Variants in CDKAL1 observed in about 807,000 individuals in gnomAD.
The protein encoded by CDKAL1 is CDKAL1 threonylcarbamoyladenosine tRNA methylthiotransferase, also known as threonylcarbamoyladenosine tRNA methylthiotransferase.
A neutral mutation model predicts 68.2 loss-of-function variants in CDKAL1; 32 were observed. The observed-to-expected ratio is 0.47, with a 90% confidence interval of 0.35 to 0.63. The LOEUF is 0.63. CDKAL1 is among the 30% of genes least tolerant of loss of function. The pLI, the probability that CDKAL1 is intolerant of heterozygous loss-of-function variation, is 0.00. For synonymous variants in CDKAL1, 234 were observed against 244.3 expected (o/e 0.96, Z 0.39); for missense variants, 606 against 696.7 (o/e 0.87, Z 1.47).
At chr6:20,816,282 C>T (rs1777045291) in intron 8 of CDKAL1, among the ~76,000 whole-genome samples, 1 of 152,202 alleles carries the variant, frequency 6.6e-6, no homozygotes, top group Admixed American at 6.6e-5. Context: ...TGCAGGGATA[C>T]TAGTCAACCC....
At chr6:21,186,132 A>G (rs1778000998) in intron 13 of CDKAL1, among the ~76,000 whole-genome samples, 1 of 152,062 alleles carries the variant, frequency 6.6e-6, no homozygotes, top group African/African-American at 2.4e-5. Context: ...AATGAGATGT[A>G]TTGCCCACTG....
intron 13 of CDKAL1, among the ~76,000 whole-genome samples, chr6:21,173,849 T>A (rs1777482103): frequency 6.6e-6 from 1 of 152,134 alleles, no homozygotes; most frequent in African/African-American, 2.4e-5. Context: ...GCAAGAGTAA[T>A]CCTTGAGGAC....
At chr6:20,685,360 T>C (rs1253696200) in intron 5 of CDKAL1, among the ~76,000 whole-genome samples, 1 of 152,244 alleles carries the variant, frequency 6.6e-6, no homozygotes, top group Admixed American at 6.5e-5. Flanking sequence ...TTGATCTGTT[T>C]GTCTGTTCTT....
intron 13 of CDKAL1, among the ~76,000 whole-genome samples, chr6:21,175,483 A>G (rs1777541379): frequency 6.6e-6 from 1 of 152,204 alleles, no homozygotes; most frequent in South Asian, 2.1e-4. Context: ...CAGGAAGCTC[A>G]GAGACAAATT....
At chr6:20,552,302 T>C (rs1763865426) in intron 4 of CDKAL1, among the ~76,000 whole-genome samples, 1 of 151,860 alleles carries the variant, frequency 6.6e-6, no homozygotes, top group Non-Finnish European at 1.5e-5. Context: ...TGAGCTGTTC[T>C]GTGCACAGCA....
intron 6 of CDKAL1, among the ~76,000 whole-genome samples, chr6:20,748,555 GAAA>G (rs760404728): frequency 3.5e-5 from 1 of 28,742 alleles, no homozygotes; most frequent in African/African-American, 1.2e-4. Context: ...TCTGTTTCTG[GAAA>G]AAAAAAAAAA....
At chr6:20,941,540 T>TA (rs934407714) in intron 9 of CDKAL1, among the ~76,000 whole-genome samples, 4 of 152,200 alleles carry the variant, frequency 2.6e-5, no homozygotes, top group Admixed American at 2.6e-4. Context: ...ATTCTTATTT[T>TA]AAAAAATTGT....
At chr6:21,138,957 C>G (rs1390743710) in intron 13 of CDKAL1, among the ~76,000 whole-genome samples, 1 of 152,180 alleles carries the variant, frequency 6.6e-6, no homozygotes, top group African/African-American at 2.4e-5. Flanking sequence ...CGCACTGTCT[C>G]CAGTCATGCA....
intron 5 of CDKAL1, among the ~76,000 whole-genome samples, chr6:20,698,686 A>T (rs1402364820): frequency 6.6e-6 from 1 of 152,186 alleles, no homozygotes. Flanking sequence ...CATATCAGGG[A>T]TACCTACTAA....
chr6:20,835,207 A>AT (rs1391166066), intron 8 of CDKAL1, among the ~76,000 whole-genome samples: 1 of 152,206 alleles, frequency 6.6e-6, no homozygotes, highest in Admixed American at 6.5e-5. Flanking sequence ...GATTGTGGCA[A>AT]TGTTTCACAG....
chr6:20,621,720 C>A (rs190758161), intron 4 of CDKAL1, among the ~76,000 whole-genome samples: 9 of 151,052 alleles, frequency 6.0e-5, no homozygotes, highest in African/African-American at 1.9e-4. Flanking sequence ...TGGGAGATGA[C>A]CCTGTCAGTC....
chr6:21,132,642 A>G (rs926260288), intron 13 of CDKAL1, among the ~76,000 whole-genome samples: 2 of 152,144 alleles, frequency 1.3e-5, no homozygotes, highest in Non-Finnish European at 2.9e-5. Context: ...TTTAGATAAC[A>G]CATTTAAGTT....
At chr6:20,915,732 A>G (rs1762693893) in intron 9 of CDKAL1, among the ~76,000 whole-genome samples, 1 of 152,206 alleles carries the variant, frequency 6.6e-6, no homozygotes, top group Non-Finnish European at 1.5e-5. Context: ...ACTTTTGTTC[A>G]CACAGAAATA....
At chr6:20,777,012 G>T (rs79458092) in intron 7 of CDKAL1, among the ~76,000 whole-genome samples, 2,265 of 152,272 alleles carry the variant, frequency 0.015, 59 homozygotes, top group African/African-American at 0.052. Flanking sequence ...GGCTCTACTG[G>T]ACTGAAGTTA....
At chr6:20,853,004 TGCAAC>T (rs2150507576) in intron 9 of CDKAL1, among the ~76,000 whole-genome samples, 1 of 152,366 alleles carries the variant, frequency 6.6e-6, no homozygotes, top group East Asian at 1.9e-4. Context: ...AGGCCTCTGC[TGCAAC>T]TATTTAGTTC....
chr6:20,543,238 C>G (rs1194369015), intron 2 of CDKAL1, among the ~76,000 whole-genome samples: 1 of 152,172 alleles, frequency 6.6e-6, no homozygotes, highest in Non-Finnish European at 1.5e-5. Flanking sequence ...TAAGAAAACA[C>G]CAAACTGTTT....
At chr6:20,805,780 G>C (rs1776547416) in intron 8 of CDKAL1, among the ~76,000 whole-genome samples, 1 of 152,128 alleles carries the variant, frequency 6.6e-6, no homozygotes, top group African/African-American at 2.4e-5. Context: ...TGGCACATTT[G>C]TTACCCAAGC....
chr6:20,616,277 T>C (rs1393235139), intron 4 of CDKAL1, among the ~76,000 whole-genome samples: 2 of 151,858 alleles, frequency 1.3e-5, no homozygotes, highest in East Asian at 3.9e-4. Context: ...CTTTTTTGGT[T>C]CCATATGAAC....
At chr6:20,992,191 CTTTT>C in intron 10 of CDKAL1, among the ~76,000 whole-genome samples, 5 of 135,852 alleles carry the variant, frequency 3.7e-5, no homozygotes, top group Admixed American at 1.4e-4. Context: ...CCATAGTCAG[CTTTT>C]TTATATATAT....
Sources: gnomAD v4.1 joint callset for allele counts (sites outside exome capture counted in the v4.1 genomes callset) on GRCh38, gnomAD v4.1.1 for gene constraint, MANE v1.5 for transcripts, NCBI Gene and HGNC (gene_info 2026-07-23, HGNC 2026-07-21) for gene names.